Variants in NRG1 observed in about 807,000 individuals in gnomAD.
The protein encoded by NRG1 is neuregulin 1.
NRG1 carries 18 observed loss-of-function variants against 63.8 expected under a neutral mutation model. The observed-to-expected ratio is 0.28, with a 90% CI of 0.19 to 0.42. NRG1 has a LOEUF of 0.42. Ranked by LOEUF, NRG1 falls within the 10% of genes least tolerant of loss-of-function variation. The pLI is 1.00. For missense variants in NRG1, 762 were observed against 814.7 expected, an observed-to-expected ratio of 0.94 and a Z score of 0.79; for synonymous variants, 302 against 301.3, an observed-to-expected ratio of 1.00 and a Z score of -0.02.
chr8:32,426,134 A>G (rs1244637298), intron 1 of NRG1, among the ~76,000 whole-genome samples: 2 of 152,208 alleles, frequency 1.3e-5, no homozygotes, highest in Non-Finnish European at 2.9e-5. Flanking sequence ...CCCAGACTAA[A>G]TAGACTGTGC....
intron 1 of NRG1, among the ~76,000 whole-genome samples, chr8:32,324,503 G>A (rs1390761991): frequency 2.0e-5 from 3 of 152,138 alleles, no homozygotes; most frequent in Non-Finnish European, 4.4e-5. Flanking sequence ...ATGGGTGGAG[G>A]CTTCTAACTA....
At chr8:32,420,202 G>C (rs892965166) in intron 1 of NRG1, among the ~76,000 whole-genome samples, 1 of 152,180 alleles carries the variant, frequency 6.6e-6, no homozygotes, top group Non-Finnish European at 1.5e-5. Context: ...TACAGCTCCC[G>C]GTGGGGTGGC....
chr8:31,657,330 A>G (rs1805526531), intron 1 of NRG1, among the ~76,000 whole-genome samples: 1 of 152,218 alleles, frequency 6.6e-6, no homozygotes, highest in Non-Finnish European at 1.5e-5. Context: ...AAATAAAAAG[A>G]TGGGAAGACA....
At chr8:32,131,947 A>G (rs995605768) in intron 1 of NRG1, among the ~76,000 whole-genome samples, 1 of 152,068 alleles carries the variant, frequency 6.6e-6, no homozygotes, top group Non-Finnish European at 1.5e-5. Context: ...GACAAACAAA[A>G]ACAATGATTA....
At chr8:32,760,341 T>TAAC (rs1242150723) in exon 11 of NRG1, 2 of 1,613,900 alleles carry the variant, frequency 1.2e-6, no homozygotes, top group African/African-American at 1.3e-5. Flanking sequence ...CTCGTGAATG[T>TAAC]AACAGCTTCC....
At chr8:32,214,200 G>T (rs1212602723) in intron 1 of NRG1, among the ~76,000 whole-genome samples, 8 of 152,112 alleles carry the variant, frequency 5.3e-5, no homozygotes, top group Non-Finnish European at 1.0e-4. Flanking sequence ...TTTTCTTATA[G>T]CTGTTTTCTC....
intron 1 of NRG1, among the ~76,000 whole-genome samples, chr8:32,111,954 T>G (rs971400295): frequency 1.3e-5 from 2 of 152,190 alleles, no homozygotes; most frequent in African/African-American, 4.8e-5. Context: ...TGTTATTTTG[T>G]GCTCAGATTG....
At chr8:31,934,485 G>A (rs984314954) in intron 1 of NRG1, among the ~76,000 whole-genome samples, 1 of 132,748 alleles carries the variant, frequency 7.5e-6, no homozygotes, top group African/African-American at 3.0e-5. Flanking sequence ...GAGTGCAATG[G>A]TGCAATCTTG....
At position 31,859,638 on chromosome 8, in the gene NRG1, G is replaced by C. The variant is rs533361592; in HGVS notation, c.37+220207G>C. Among the ~76,000 whole-genome samples the C allele has an allele frequency of 1.3e-4, 20 of 152,294 alleles. No individual in the cohort carries two copies. The East Asian group carries it at 3.7e-3, about 28-fold the overall frequency. ...AAACAGCCACTTATGCACAAGGTGA[G>C]GGATATCTGCATATCTGAGCTAGAC... On this transcript the variant is annotated intron_variant, in intron 1 of 10. Transcript: ENST00000519301.
At chr8:32,562,665 C>T (rs1186908879) in intron 1 of NRG1, among the ~76,000 whole-genome samples, 1 of 151,818 alleles carries the variant, frequency 6.6e-6, no homozygotes, top group East Asian at 1.9e-4. Context: ...CATGTATGTA[C>T]GTGTGTGTGA....
intron 1 of NRG1, among the ~76,000 whole-genome samples, chr8:32,131,083 A>C (rs1204120808): frequency 6.6e-6 from 1 of 152,034 alleles, no homozygotes; most frequent in Non-Finnish European, 1.5e-5. Flanking sequence ...GCTGAATTCT[A>C]TACAAGGTAC....
At chr8:31,800,281 T>TG (rs1398382651) in intron 1 of NRG1, among the ~76,000 whole-genome samples, 6 of 152,114 alleles carry the variant, frequency 3.9e-5, no homozygotes, top group Non-Finnish European at 7.4e-5. Flanking sequence ...GAGCAGGTGG[T>TG]GGGGCGAGGT....
chr8:31,866,564 A>G (rs1407860340), intron 1 of NRG1, among the ~76,000 whole-genome samples: 1 of 152,198 alleles, frequency 6.6e-6, no homozygotes, highest in Non-Finnish European at 1.5e-5. Context: ...TTATTTCCCC[A>G]TACTACAATG....
chr8:32,035,314 GT>G (rs1454041590), intron 1 of NRG1, among the ~76,000 whole-genome samples: 2 of 151,978 alleles, frequency 1.3e-5, no homozygotes, highest in African/African-American at 4.8e-5. Context: ...ACTGTTTGTT[GT>G]TATTTCAGTT....
At chr8:32,467,654 C>A (rs1823238938) in intron 1 of NRG1, among the ~76,000 whole-genome samples, 2 of 152,198 alleles carry the variant, frequency 1.3e-5, no homozygotes, top group South Asian at 4.1e-4. Context: ...AAATGTAGAT[C>A]TGTCCTTTAA....
intron 1 of NRG1, among the ~76,000 whole-genome samples, chr8:32,145,608 G>A (rs1351796129): frequency 2.0e-5 from 3 of 152,158 alleles, no homozygotes; most frequent in South Asian, 2.1e-4. Context: ...CAGGCATGGC[G>A]CTGTGTCTAC....
At chr8:31,893,891 A>G (rs767806189) in intron 1 of NRG1, among the ~76,000 whole-genome samples, 44 of 152,070 alleles carry the variant, frequency 2.9e-4, no homozygotes, top group Non-Finnish European at 5.3e-4. Flanking sequence ...CTTTATTTCA[A>G]TGTTATTTAA....
At chr8:31,841,316 A>G (rs1826183110) in intron 1 of NRG1, among the ~76,000 whole-genome samples, 1 of 152,150 alleles carries the variant, frequency 6.6e-6, no homozygotes, top group Non-Finnish European at 1.5e-5. Flanking sequence ...TCTGTGGTTT[A>G]GAGTGAGATG....
intron 5 of NRG1, among the ~76,000 whole-genome samples, chr8:32,701,265 T>C (rs1384255237): frequency 1.3e-5 from 2 of 152,194 alleles, no homozygotes; most frequent in Admixed American, 6.5e-5. Context: ...AAATCTGCAA[T>C]TTTGGACTTT....
Sources: allele counts gnomAD v4.1 joint callset (sites outside exome capture counted in the v4.1 genomes callset), GRCh38; gene constraint gnomAD v4.1.1; transcripts MANE v1.5; gene names NCBI Gene and HGNC (gene_info 2026-07-23, HGNC 2026-07-21).